Variants in ADGRB3 observed in about 807,000 individuals in gnomAD.
ADGRB3 encodes the protein brain-specific angiogenesis inhibitor 3.
A neutral mutation model predicts 193.4 loss-of-function variants in ADGRB3; 37 were observed. The observed-to-expected ratio is 0.19, with a 90% CI of 0.15 to 0.25. ADGRB3 has a LOEUF of 0.25. ADGRB3 is among the 10% of genes least tolerant of loss of function. The pLI is 1.00. For missense variants in ADGRB3, 1,637 were observed against 1,852.9 expected (o/e 0.88, Z 2.14); for synonymous variants, 690 against 644.2 (o/e 1.07, Z -1.08).
chr6:69,206,538 A>G (rs1007212450), intron 17 of ADGRB3, among the ~76,000 whole-genome samples: 11 of 152,198 alleles, frequency 7.2e-5, no homozygotes, highest in Non-Finnish European at 1.2e-4. Context: ...GAGAATAATA[A>G]GGTCATAATT....
intron 3 of ADGRB3, among the ~76,000 whole-genome samples, chr6:68,643,438 CTTTTTTTTTTTT>C (rs765489730): frequency 1.2e-4 from 8 of 65,030 alleles, no homozygotes; most frequent in African/African-American, 4.6e-4. Context: ...CTTCATCTTC[CTTTTTTTTTTTT>C]TTTTTTTTTT....
Position 68,684,531 on chromosome 6 carries a change from C to T in ADGRB3, c.757+45099C>T, listed in dbSNP as rs183323811. On this transcript the variant is annotated intron_variant, in intron 3 of 31. Transcript: ENST00000370598. Reference sequence around the variant, plus strand: ...TTAATCTTACATTTTATAATGGGGTCACTGAAATCTGAATTGACATGTCTG... The same window carrying T: ...TTAATCTTACATTTTATAATGGGGTTACTGAAATCTGAATTGACATGTCTG... Among the ~76,000 whole-genome samples the T allele has an allele frequency of 2.8e-3, 427 of 152,142 alleles. 5 individuals carry two copies. The highest frequency in any genetic ancestry group is 0.01 in the African/African-American group (418 of 41,540).
At position 68,719,048 on chromosome 6, in the gene ADGRB3, A is replaced by T. The variant is rs781030462; in HGVS notation, c.757+79616A>T. 3.9e-5 allele frequency among the ~76,000 whole-genome samples: 6 copies of T among 151,954 alleles called. No individual in the cohort carries two copies. The East Asian group carries it at 9.7e-4, about 25-fold the overall frequency. ...GTGTCCTAATTATGTACTAGCACTT[A>T]ATAGAATGTTTTGTAGAGAGTTGGT... is the stretch of plus-strand genomic sequence containing the variant. On this transcript the variant is annotated intron_variant, in intron 3 of 31. Coordinates refer to ENST00000370598, the MANE Select transcript of ADGRB3 (RefSeq NM_001704.3).
intron 10 of ADGRB3, among the ~76,000 whole-genome samples, chr6:68,978,523 G>T (rs1768816064): frequency 6.6e-6 from 1 of 151,468 alleles, no homozygotes; most frequent in Non-Finnish European, 1.5e-5. Context: ...AGTATAGAAT[G>T]AATGAATGTA....
At chr6:68,965,495 C>A (rs551286629) in intron 8 of ADGRB3, among the ~76,000 whole-genome samples, 4 of 151,870 alleles carry the variant, frequency 2.6e-5, no homozygotes, top group African/African-American at 9.7e-5. Context: ...GAATCAATTT[C>A]TTTTTAATGC....
Position 68,798,740 on chromosome 6 carries a change from A to G in ADGRB3, c.758-131819A>G, listed in dbSNP as rs544260215. ...CAGTGACTCAGTCTGGAGAGTAAAG[A>G]AATGTTTTCTGAAGAAGGAAATGTC... On this transcript the variant is annotated intron_variant, in intron 3 of 31. Coordinates refer to ENST00000370598, the MANE Select transcript of ADGRB3 (RefSeq NM_001704.3). Among the ~76,000 whole-genome samples the G allele has an allele frequency of 3.3e-5, 5 of 152,318 alleles. No homozygotes were observed. The South Asian group carries it at 8.3e-4, about 25-fold the overall frequency.
At chr6:69,038,708 T>G (rs11962923) in intron 13 of ADGRB3, among the ~76,000 whole-genome samples, 17,098 of 152,254 alleles carry the variant, frequency 0.11, 1,136 homozygotes, top group Middle Eastern at 0.26. Context: ...CCCCATTATA[T>G]TATGTGTAGC....
intron 15 of ADGRB3, among the ~76,000 whole-genome samples, chr6:69,053,998 G>A (rs574259525): frequency 6.6e-6 from 1 of 152,310 alleles, no homozygotes; most frequent in African/African-American, 2.4e-5. Flanking sequence ...TTCTGAGTAT[G>A]TGAGCAGTAT....
chr6:69,140,237 T>C (rs1204979295), intron 17 of ADGRB3, among the ~76,000 whole-genome samples: 1 of 152,226 alleles, frequency 6.6e-6, no homozygotes, highest in Non-Finnish European at 1.5e-5. Flanking sequence ...AGGTTAAATA[T>C]GACAGTTCAT....
At chr6:69,232,910 C>T in intron 17 of ADGRB3, 1 of 488,580 alleles carries the variant, frequency 2.0e-6, no homozygotes, top group Non-Finnish European at 3.6e-6. Flanking sequence ...ATATGAAAAG[C>T]CTCTTTACAC....
At chr6:68,996,407 T>TA (rs1365151616) in intron 11 of ADGRB3, among the ~76,000 whole-genome samples, 1 of 152,174 alleles carries the variant, frequency 6.6e-6, no homozygotes, top group African/African-American at 2.4e-5. Context: ...ACAGCTCTGA[T>TA]TATGTCACTG....
At chr6:69,381,622 CTTTTCCTCAAG>C (rs1353575675) in intron 30 of ADGRB3, among the ~76,000 whole-genome samples, 3 of 151,838 alleles carry the variant, frequency 2.0e-5, no homozygotes, top group African/African-American at 7.2e-5. Flanking sequence ...TGTCCTTTTC[CTTTTCCTCAAG>C]GAGATAAAGT....
At chr6:69,227,332 G>A (rs1187991685) in intron 17 of ADGRB3, among the ~76,000 whole-genome samples, 5 of 152,160 alleles carry the variant, frequency 3.3e-5, no homozygotes, top group Non-Finnish European at 7.3e-5. Flanking sequence ...CCATTGTAAG[G>A]ACCATTATAA....
At chr6:68,935,398 A>G (rs1767460099) in intron 4 of ADGRB3, among the ~76,000 whole-genome samples, 1 of 152,220 alleles carries the variant, frequency 6.6e-6, no homozygotes, top group African/African-American at 2.4e-5. Flanking sequence ...CTAGAAAACG[A>G]TGGACAAATA....
chr6:68,969,343 T>A (rs1768488138), intron 8 of ADGRB3, among the ~76,000 whole-genome samples: 1 of 152,172 alleles, frequency 6.6e-6, no homozygotes, highest in Non-Finnish European at 1.5e-5. Context: ...GGGTTTCACA[T>A]CTGTGGATTG....
Position 68,772,889 on chromosome 6 carries a change from A to C in ADGRB3, c.757+133457A>C, listed in dbSNP as rs748139356. 3.4e-3 allele frequency among the ~76,000 whole-genome samples: 148 copies of C among 43,588 alleles called. 5 individuals carry two copies. The highest frequency in any genetic ancestry group is 0.016 in the African/African-American group (90 of 5,568). 28.6% of individuals were successfully genotyped at this position (43,588 alleles called of 152,430 possible). A position where few individuals can be genotyped will look rare whatever the true frequency, so the allele number is the denominator to read the frequency against. On this transcript the variant is annotated intron_variant, in intron 3 of 31. Transcript: ENST00000370598. ...AACAAACAAACAAACAAACAAAAAA[A>C]AAAAAATATATATATATATATATAT...
intron 17 of ADGRB3, among the ~76,000 whole-genome samples, chr6:69,223,876 C>A (rs893484448): frequency 6.6e-6 from 1 of 151,728 alleles, no homozygotes; most frequent in African/African-American, 2.4e-5. Flanking sequence ...AGGCTGGTCT[C>A]GAACTCCTTG....
At chr6:68,988,688 G>A (rs1769147605) in intron 10 of ADGRB3, among the ~76,000 whole-genome samples, 2 of 152,074 alleles carry the variant, frequency 1.3e-5, no homozygotes, top group African/African-American at 4.8e-5. Flanking sequence ...TCATACATAA[G>A]CCTTGGCTGC....
intron 3 of ADGRB3, among the ~76,000 whole-genome samples, chr6:68,737,412 A>C (rs976488305): frequency 3.3e-5 from 5 of 152,110 alleles, no homozygotes; most frequent in African/African-American, 1.2e-4. Context: ...TCATTACTTG[A>C]TGTAAACCTC....
Sources: allele counts gnomAD v4.1 joint callset (sites outside exome capture counted in the v4.1 genomes callset), GRCh38; gene constraint gnomAD v4.1.1; transcripts MANE v1.5; gene names NCBI Gene and HGNC (gene_info 2026-07-23, HGNC 2026-07-21).